ANO1: variants seen among roughly 807,000 people sequenced by gnomAD.
The protein encoded by ANO1 is anoctamin 1.
In ANO1, 59 loss-of-function variants were observed where a neutral mutation model predicts 124.0. The ratio of observed to expected loss-of-function variants is 0.48; its 90% CI spans 0.39 to 0.59. The LOEUF (loss-of-function observed/expected upper bound fraction) is 0.59, where lower values mean the gene tolerates loss of function less well. ANO1 is among the 20% of genes least tolerant of loss of function. ANO1 has a pLI of 0.00. For synonymous variants in ANO1, 529 were observed against 532.0 expected, an observed-to-expected ratio of 0.99 and a Z score of 0.08; for missense variants, 1,059 against 1,328.0, an observed-to-expected ratio of 0.80 and a Z score of 3.15.
intron 1 of ANO1, among the ~76,000 whole-genome samples, chr11:70,030,304 C>T (rs1856979032): frequency 6.6e-6 from 1 of 152,216 alleles, no homozygotes; most frequent in Non-Finnish European, 1.5e-5. Flanking sequence ...GGGATGAGGA[C>T]TGGGCAAAGG....
intron 1 of ANO1, among the ~76,000 whole-genome samples, chr11:70,022,435 C>T (rs781985544): frequency 6.6e-6 from 1 of 152,028 alleles, no homozygotes; most frequent in Non-Finnish European, 1.5e-5. Context: ...CCCGTCTCTA[C>T]CAAAAATACA....
At chr11:70,026,379 T>C (rs782080249) in intron 1 of ANO1, among the ~76,000 whole-genome samples, 1 of 150,484 alleles carries the variant, frequency 6.6e-6, no homozygotes, top group African/African-American at 2.5e-5. Context: ...GTGATGACAA[T>C]GATGATGATA....
At chr11:70,057,943 C>G (rs1355343432) in intron 1 of ANO1, among the ~76,000 whole-genome samples, 1 of 152,058 alleles carries the variant, frequency 6.6e-6, no homozygotes, top group African/African-American at 2.4e-5. Context: ...AAAATTTTGG[C>G]TGTGGTATGG....
At chr11:70,159,383 A>G (rs1178922766) in intron 16 of ANO1, among the ~76,000 whole-genome samples, 1 of 152,184 alleles carries the variant, frequency 6.6e-6, no homozygotes, top group African/African-American at 2.4e-5. Context: ...ATGAGCACAC[A>G]CTGCCATCTC....
At chr11:70,078,854 C>A (rs1473676093) in intron 1 of ANO1, 140 bp downstream of exon 1, 5 of 311,398 alleles carry the variant, frequency 1.6e-5, no homozygotes, top group African/African-American at 1.1e-4. Flanking sequence ...GGCGCCCACC[C>A]GCGCACGTGC....
At chr11:70,078,063 C>A (rs373128851), upstream of ANO1, among the ~76,000 whole-genome samples, 3 of 152,124 alleles carry the variant, frequency 2.0e-5, no homozygotes, top group African/African-American at 7.2e-5. Context: ...GCCACAGAAG[C>A]GCCTGCCACT....
chr11:70,019,658 C>CT (rs1856766264), intron 1 of ANO1, among the ~76,000 whole-genome samples: 1 of 152,232 alleles, frequency 6.6e-6, no homozygotes, highest in Admixed American at 6.5e-5. Flanking sequence ...GGCAAACACT[C>CT]TAAGTCAGCT....
chr11:70,086,318 C>G (rs1255351930), intron 1 of ANO1, among the ~76,000 whole-genome samples: 6 of 152,226 alleles, frequency 3.9e-5, no homozygotes, highest in Non-Finnish European at 8.8e-5. Context: ...TCGGGAATTC[C>G]AGCAATGCAG....
chr11:70,072,965 C>T (rs139648761), intron 1 of ANO1: 3 of 152,366 alleles, frequency 2.0e-5, no homozygotes, highest in African/African-American at 7.2e-5. Flanking sequence ...ATAATCAGGA[C>T]AGGGGCTCAG....
At chr11:70,125,343 AAAAT>A (rs1156479934) in intron 9 of ANO1, among the ~76,000 whole-genome samples, 3 of 148,326 alleles carry the variant, frequency 2.0e-5, no homozygotes, top group East Asian at 2.0e-4. Flanking sequence ...ACTCCATCTC[AAAAT>A]AAATAAATAA....
chr11:70,147,494 T>G (rs1430298974), intron 11 of ANO1, among the ~76,000 whole-genome samples: 3 of 152,194 alleles, frequency 2.0e-5, no homozygotes, highest in African/African-American at 7.2e-5. Context: ...TGGCTGGGTT[T>G]CCAGCAGGTG....
upstream of ANO1, among the ~76,000 whole-genome samples, chr11:70,075,950 C>T (rs369180045): frequency 6.6e-5 from 10 of 152,180 alleles, no homozygotes; most frequent in Non-Finnish European, 1.0e-4. Flanking sequence ...TACTTTGTGT[C>T]GGTCCCTGAA....
chr11:70,103,927 T>A, intron 3 of ANO1, 72 bp from the exon 4 acceptor site: 1 of 1,521,898 alleles, frequency 6.6e-7, no homozygotes, highest in Non-Finnish European at 8.9e-7. Context: ...TCTCTGACCA[T>A]CCGAGAACAG....
chr11:70,037,079 G>A (rs1229200287), intron 1 of ANO1, among the ~76,000 whole-genome samples: 3 of 152,144 alleles, frequency 2.0e-5, no homozygotes, highest in Non-Finnish European at 4.4e-5. Flanking sequence ...TCATCTGTCG[G>A]CCTTTAGTGC....
chr11:70,009,287 T>C (rs564179191), intron 1 of ANO1, among the ~76,000 whole-genome samples: 10 of 151,884 alleles, frequency 6.6e-5, no homozygotes, highest in African/African-American at 1.9e-4. Flanking sequence ...TTGTGTGAGG[T>C]CAAGCATCTC....
intron 1 of ANO1, among the ~76,000 whole-genome samples, chr11:70,010,158 T>TGCGCACGC (rs1555000786): frequency 1.6e-5 from 1 of 62,618 alleles, no homozygotes; most frequent in African/African-American, 5.7e-5. Flanking sequence ...TGTGTGTGTG[T>TGCGCACGC]GTGTGTGCGC....
chr11:70,117,369 C>T (rs1158468231), intron 8 of ANO1, among the ~76,000 whole-genome samples: 1 of 152,100 alleles, frequency 6.6e-6, no homozygotes, highest in Non-Finnish European at 1.5e-5. Flanking sequence ...CCGCACCCAG[C>T]CAGCCCCTTT....
Position 70,105,730 on chromosome 11 carries a change from A to G in ANO1, c.693-4A>G, listed in dbSNP as rs1436308177. ...GTCTTGTTTCCTTCCCGATATTTCC[A>G]CAGATTTGACTTGTCTGATAAGGAT... On this transcript the variant is annotated splice_polypyrimidine_tract_variant and splice_region_variant and intron_variant, in intron 4 of 25. Coordinates refer to ENST00000355303, the MANE Select transcript of ANO1 (RefSeq NM_018043.7). The G allele has an allele frequency of 6.2e-7, 1 of 1,613,364 alleles. No homozygotes were observed.
intron 1 of ANO1, chr11:70,016,533 A>T (rs969412502): frequency 2.0e-5 from 3 of 152,280 alleles, no homozygotes; most frequent in Non-Finnish European, 4.4e-5. Context: ...GACAGTGGCC[A>T]GCCTGGGATG....
Sources: allele counts gnomAD v4.1 joint callset (sites outside exome capture counted in the v4.1 genomes callset), GRCh38; gene constraint gnomAD v4.1.1; transcripts MANE v1.5; gene names NCBI Gene and HGNC (gene_info 2026-07-23, HGNC 2026-07-21).